CAPN15: variants seen among roughly 807,000 people sequenced by gnomAD.
The protein encoded by CAPN15 is calpain-15.
In CAPN15, 53 loss-of-function variants were observed where a neutral mutation model predicts 97.9. The observed-to-expected ratio is 0.54, with a 90% CI of 0.43 to 0.68. CAPN15 has a LOEUF of 0.68. CAPN15 is among the 30% of genes least tolerant of loss of function. The pLI is 0.00. For missense variants in CAPN15, 1,592 were observed against 1,589.8 expected (o/e 1.00, Z -0.02); for synonymous variants, 922 against 722.5 (o/e 1.28, Z -4.43).
chr16:534,218 C>G (rs2033509344), intron 2 of CAPN15, among the ~76,000 whole-genome samples: 1 of 152,280 alleles, frequency 6.6e-6, no homozygotes, highest in African/African-American at 2.4e-5. Context: ...GTGAGGGCGG[C>G]CCGGGGTCCC....
Position 547,248 on chromosome 16 carries a change from A to G in CAPN15, c.410A>G (p.Glu137Gly), listed in dbSNP as rs758563102. ...DEEEKEEQEE[E>G]EGAAEPRGGW... Reference sequence around the variant, plus strand: ...GAGGAGAAGGAGGAGCAGGAGGAGGAGGAGGGAGCGGCGGAGCCCAGAGGG... The same window carrying G: ...GAGGAGAAGGAGGAGCAGGAGGAGGGGGAGGGAGCGGCGGAGCCCAGAGGG... The change falls in exon 4 of 14, where the codon GAG becomes GGG. Residue 137 changes from glutamate (E) to glycine (G), a missense_variant. By Grantham distance (98) the Glu-to-Gly change is moderately conservative (BLOSUM62 -2). This residue lies in a region of CAPN15 where 883 missense variants were observed against 776.6 expected (regional missense o/e 1.14). Coordinates refer to ENST00000219611, the MANE Select transcript of CAPN15 (RefSeq NM_005632.3). 6.6e-7 allele frequency: 1 copy of G among 1,514,314 alleles called. No homozygotes were observed. Among genetic ancestry groups the G allele is most frequent in the South Asian group, 1.3e-5 (1 of 79,216 alleles). 93.8% of individuals were successfully genotyped at this position (1,514,314 alleles called of 1,614,324 possible).
Position 547,179 on chromosome 16 carries a change from T to C in CAPN15, c.341T>C (p.Val114Ala). 2 of 1,536,616 alleles carry C rather than the reference T, an allele frequency of 1.3e-6. No homozygotes were observed. The highest frequency in any genetic ancestry group is 8.7e-7 in the Non-Finnish European group (1 of 1,146,040). ...EAGPVRTAGL[V>A]ATEPARGQCE... ...GGTCCAGTGAGGACTGCGGGGCTGG[T>C]GGCCACGGAGCCCGCCAGGGGGCAG... is the stretch of plus-strand genomic sequence containing the variant. Residue 114 changes from valine (V) to alanine (A), a missense_variant, in exon 4 of 14, where the codon GTG becomes GCG. Around this residue, in one of 3 missense-constraint regions of CAPN15, gnomAD observed 883 missense variants for 776.6 expected, o/e 1.14. Coordinates refer to ENST00000219611, the MANE Select transcript of CAPN15 (RefSeq NM_005632.3).
rs2033612040 is a variant in CAPN15 at position 535,098 on chromosome 16, C to T, written c.-136-931C>T. Among the ~76,000 whole-genome samples, 1 of 152,160 alleles carries T rather than the reference C, an allele frequency of 6.6e-6. No individual in the cohort carries two copies. Among genetic ancestry groups the T allele is most frequent in the Admixed American group, 6.5e-5 (1 of 15,286 alleles). On this transcript the variant is annotated intron_variant, in intron 2 of 13. Coordinates refer to ENST00000219611, the MANE Select transcript of CAPN15 (RefSeq NM_005632.3). This position sits in a 1 kb window ranked among gnomAD's most constrained non-coding sequence, Gnocchi z 6.2. ...TGCCAGCCCTGCTCCCATGTGGGCT[C>T]CCAGCTCCCCAGGTAGGGACGCTGA...
chr16:528,381 C>G (rs2033005772), intron 1 of CAPN15, among the ~76,000 whole-genome samples: 1 of 152,218 alleles, frequency 6.6e-6, no homozygotes, highest in South Asian at 2.1e-4. Context: ...CCTTGAGTGC[C>G]CTTATATCCG....
At chr16:544,136 C>T (rs535716218) in intron 3 of CAPN15, among the ~76,000 whole-genome samples, 30 of 152,180 alleles carry the variant, frequency 2.0e-4, no homozygotes, top group South Asian at 2.1e-4. Flanking sequence ...TGACCGGCGC[C>T]GGGCTGTGGC....
Position 548,229 on chromosome 16 carries a change from A to G in CAPN15, c.1391A>G (p.Gln464Arg). 1.9e-6 allele frequency: 3 copies of G among 1,551,574 alleles called. 1 individual carries two copies. In the South Asian group the frequency reaches 3.6e-5, roughly 18 times the overall value. ...AGCATGCACGTGGAGCAGCGGCGGC[A>G]GACAGACGAGGGCGAGGCCAAGGCA... The part of the protein sequence containing the change: ...RESMHVEQRR[Q>R]TDEGEAKALW... The change falls in exon 4 of 14, where the codon CAG becomes CGG. Residue 464 changes from glutamine (Q) to arginine (R), a missense_variant. Transcript: ENST00000219611.
chr16:551,875 T>TA (rs1567159568), intron 9 of CAPN15, 176 bp from the exon 10 acceptor site: 5 of 974,120 alleles, frequency 5.1e-6, no homozygotes, highest in East Asian at 2.6e-5. Context: ...GAGCCGGCCC[T>TA]GGAGGGCTTC....
chr16:552,175 G>C lies in CAPN15; in HGVS notation c.2470G>C (p.Ala824Pro), dbSNP rs763566668. ...AACAGCGCTCACGGTGCTGGAGCGG[G>C]CCTCGCTGGAGTTCGCGCTCTTCCA... is the stretch of plus-strand genomic sequence containing the variant. ...GVTALTVLER[A>P]SLEFALFQEG... Residue 824 changes from alanine to proline, a missense_variant, in exon 10 of 14, where the codon GCC (alanine) becomes CCC (proline). Transcript: ENST00000219611. This position sits in a 1 kb window ranked among gnomAD's most constrained non-coding sequence, Gnocchi z 6.4. 1 of 1,540,494 alleles carries C rather than the reference G, an allele frequency of 6.5e-7. No homozygotes were observed. Among genetic ancestry groups the C allele is most frequent in the Non-Finnish European group, 8.8e-7 (1 of 1,141,610 alleles).
At position 549,211 on chromosome 16, in the gene CAPN15, T is replaced by G. The variant is rs1385696693; in HGVS notation, c.1658+10T>G. ...TGCTGGGGAACTGCTGGTGAGGCCT[T>G]CTCCAAGGCCGGGGTGGGGCGGGTG... On this transcript the variant is annotated intron_variant, in intron 5 of 13. Transcript: ENST00000219611. The G allele has an allele frequency of 2.7e-6, 2 of 735,924 alleles. No individual in the cohort carries two copies. The highest frequency in any genetic ancestry group is 2.4e-5 in the African/African-American group (1 of 41,780). 45.6% of individuals were successfully genotyped at this position (735,924 alleles called of 1,614,324 possible).
rs1418978809 is a variant in CAPN15 at position 535,728 on chromosome 16, C to T, written c.-136-301C>T. Among the ~76,000 whole-genome samples the T allele has an allele frequency of 2.0e-5, 3 of 152,098 alleles. No homozygotes were observed. The highest frequency in any genetic ancestry group is 2.1e-4 in the South Asian group (1 of 4,828). ...TCATGAGTCACGGCCACTCTTGAGG[C>T]GCCGCCCTGAGAGTCAGCCCTGTGG... On this transcript the variant is annotated intron_variant, in intron 2 of 13. Coordinates refer to ENST00000219611, the MANE Select transcript of CAPN15 (RefSeq NM_005632.3). The surrounding 1 kb of genome is among the most constrained non-coding windows in gnomAD (Gnocchi z 6.2).
chr16:552,258 G>T lies in CAPN15; in HGVS notation c.2508-43G>T, dbSNP rs763205876. ...TCGGGCTGGGCTGGGCTAGGCTGGC[G>T]GCCGTGACCACGCGTGACCCTGGCC... On this transcript the variant is annotated intron_variant, in intron 10 of 13. Transcript: ENST00000219611. This position sits in a 1 kb window ranked among gnomAD's most constrained non-coding sequence, Gnocchi z 6.4. The T allele has an allele frequency of 1.3e-6, 2 of 1,535,374 alleles. No individual in the cohort carries two copies. The highest frequency in any genetic ancestry group is 4.9e-5 in the East Asian group (2 of 40,738).
chr16:530,298 G>A (rs2033159365), intron 1 of CAPN15, among the ~76,000 whole-genome samples: 1 of 152,218 alleles, frequency 6.6e-6, no homozygotes. Context: ...TTTCTTGGTA[G>A]GCCTAGTGTC....
At chr16:545,310 G>A (rs1304406621) in intron 3 of CAPN15, among the ~76,000 whole-genome samples, 1 of 151,888 alleles carries the variant, frequency 6.6e-6, no homozygotes, top group Non-Finnish European at 1.5e-5. Context: ...GAAGGGCAGG[G>A]AGGGTGGGGG....
chr16:552,023 C>T lies in CAPN15; in HGVS notation c.2346-28C>T, dbSNP rs2035122007. On this transcript the variant is annotated intron_variant, in intron 9 of 13. Transcript: ENST00000219611. This position sits in a 1 kb window ranked among gnomAD's most constrained non-coding sequence, Gnocchi z 6.4. ...ACGGAGGTGTGGGCCGTGGTAGGCT[C>T]AGGGCCCCGTCCTCCCGCCACCTGC... 1.3e-6 allele frequency: 2 copies of T among 1,545,296 alleles called. No individual in the cohort carries two copies. The highest frequency in any genetic ancestry group is 2.0e-5 in the Admixed American group (1 of 50,668).
In CAPN15 at chr16:541,632, TAA is replaced by T. The variant is rs373625169; in HGVS notation, c.-22-5182_-22-5181del. The stretch of plus-strand genomic sequence containing the variant: ...GGTAGAACTTACCAGACTCACCTGT[TAA>T]AAGAGTGCAGTTTGGTCACTCTTAG... On this transcript the variant is annotated intron_variant, in intron 3 of 13. Transcript: ENST00000219611. Among the ~76,000 whole-genome samples the T allele has an allele frequency of 6.5e-3, 996 of 152,334 alleles. 11 individuals are homozygous for T. The highest frequency in any genetic ancestry group is 0.023 in the African/African-American group (946 of 41,568).
rs1024567811 is a variant in CAPN15, at chr16:537,091, G to C, written c.-23+949G>C. ...CCCCGGAGAGGGCTTAACAGAGCCA[G>C]CTGTCCAGCCTCTGTGACAGGGACG... is the stretch of plus-strand genomic sequence containing the variant. On this transcript the variant is annotated intron_variant, in intron 3 of 13. Transcript: ENST00000219611. 4.1e-6 allele frequency: 4 copies of C among 966,598 alleles called. No individual in the cohort carries two copies. In the African/African-American group the frequency reaches 7.0e-5, roughly 17 times the overall value. The allele number at this position is 966,598 out of a possible 1,614,324, so 59.9% of individuals were successfully genotyped here.
At chr16:551,056 TCCCCGGTCGGTGAGGTC>T (rs2035017880) in intron 7 of CAPN15, among the ~76,000 whole-genome samples, 1 of 17,824 alleles carries the variant, frequency 5.6e-5, no homozygotes, top group Admixed American at 5.9e-4. Context: ...TCGGTGAGGG[TCCCCGGTCGGTGAGGTC>T]CCCGGTCGGT....
At chr16:529,139 C>T (rs1477309209) in intron 1 of CAPN15, among the ~76,000 whole-genome samples, 1 of 151,888 alleles carries the variant, frequency 6.6e-6, no homozygotes, top group Non-Finnish European at 1.5e-5. Context: ...GAGGAGCACC[C>T]CTCTTTTTCC....
chr16:532,714 C>G (rs2033358144), intron 1 of CAPN15, among the ~76,000 whole-genome samples: 2 of 150,776 alleles, frequency 1.3e-5, no homozygotes, highest in Admixed American at 6.6e-5. Context: ...TTAGCCGGGC[C>G]TGGTGGCAGG....
Sources: gnomAD v4.1 joint callset for allele counts (sites outside exome capture counted in the v4.1 genomes callset) on GRCh38, gnomAD v4.1.1 for gene constraint, gnomAD v4.1.1 regional missense constraint, Gnocchi (gnomAD v3.1) non-coding constraint, MANE v1.5 for transcripts, NCBI Gene and HGNC (gene_info 2026-07-23, HGNC 2026-07-21) for gene names.